The following TNS3 variants were observed in gnomAD, a reference collection of about 807,000 sequenced individuals.
TNS3 encodes tensin-3.
TNS3 carries 45 observed loss-of-function variants against 140.9 expected under a neutral mutation model. The ratio of observed to expected loss-of-function variants is 0.32; its 90% confidence interval spans 0.25 to 0.41. The LOEUF (loss-of-function observed/expected upper bound fraction) is 0.41. Among genes scored for constraint, TNS3 ranks in the 10% least tolerant of loss-of-function variants. The probability of loss-of-function intolerance (pLI) is 1.00; values close to 1 mark genes in which losing one functional copy is unlikely to be tolerated. For synonymous variants in TNS3, 815 were observed against 788.4 expected (o/e 1.03, Z -0.56); for missense variants, 1,716 against 1,906.7 (o/e 0.90, Z 1.86).
chr7:47,409,214 G>C (rs557827681), intron 13 of TNS3, among the ~76,000 whole-genome samples: 1 of 152,038 alleles, frequency 6.6e-6, no homozygotes, highest in African/African-American at 2.4e-5. Flanking sequence ...AAGGAAGGAG[G>C]AGGAGGTAGC....
At chr7:47,389,369 C>T (rs1434843142) in intron 16 of TNS3, among the ~76,000 whole-genome samples, 2 of 152,136 alleles carry the variant, frequency 1.3e-5, no homozygotes, top group Non-Finnish European at 2.9e-5. Context: ...GTTGGGAGGA[C>T]CCTGAGGACC....
At chr7:47,512,252 T>C (rs902742303) in intron 2 of TNS3, among the ~76,000 whole-genome samples, 4 of 152,016 alleles carry the variant, frequency 2.6e-5, no homozygotes, top group African/African-American at 9.7e-5. Flanking sequence ...AAAGCAAACA[T>C]CTACCATGAG....
chr7:47,404,722 T>TA (rs901798826), intron 13 of TNS3, among the ~76,000 whole-genome samples: 4 of 151,748 alleles, frequency 2.6e-5, no homozygotes, highest in African/African-American at 4.8e-5. Context: ...CCGTCTTTAC[T>TA]AAAAAAATAC....
At chr7:47,508,667 T>C (rs1450290962) in intron 2 of TNS3, among the ~76,000 whole-genome samples, 2 of 152,152 alleles carry the variant, frequency 1.3e-5, no homozygotes, top group African/African-American at 4.8e-5. Context: ...CCCATGCTGG[T>C]GTATAGCCCC....
chr7:47,445,244 C>G (rs968304711), intron 4 of TNS3, among the ~76,000 whole-genome samples: 1 of 152,178 alleles, frequency 6.6e-6, no homozygotes, highest in African/African-American at 2.4e-5. Flanking sequence ...CTGGCCACCT[C>G]CAAGGCATGT....
At chr7:47,452,053 A>C (rs1284135317) in intron 4 of TNS3, among the ~76,000 whole-genome samples, 1 of 152,236 alleles carries the variant, frequency 6.6e-6, no homozygotes, top group African/African-American at 2.4e-5. Context: ...GGATTAAATA[A>C]GGAAACATAA....
intron 17 of TNS3, among the ~76,000 whole-genome samples, chr7:47,358,500 T>C (rs886182026): frequency 6.6e-6 from 1 of 152,240 alleles, no homozygotes; most frequent in Non-Finnish European, 1.5e-5. Context: ...ATACAAAAGC[T>C]GTCCACCTTC....
chr7:47,499,215 G>T (rs1584776257), intron 3 of TNS3, among the ~76,000 whole-genome samples: 1 of 152,238 alleles, frequency 6.6e-6, no homozygotes, highest in African/African-American at 2.4e-5. Flanking sequence ...GACTCTGGGA[G>T]TCAGGAGTAA....
intron 4 of TNS3, among the ~76,000 whole-genome samples, chr7:47,475,148 G>C (rs1055863073): frequency 1.3e-5 from 2 of 152,086 alleles, no homozygotes; most frequent in African/African-American, 4.8e-5. Flanking sequence ...ACACACCACA[G>C]ACCACAGACA....
chr7:47,521,101 G>C (rs17172876), intron 2 of TNS3, among the ~76,000 whole-genome samples: 12,025 of 152,150 alleles, frequency 0.079, 550 homozygotes, highest in Middle Eastern at 0.14. Context: ...CATCATAGTA[G>C]GGGCAGTCGG....
At chr7:47,435,986 A>G (rs1437268619) in intron 7 of TNS3, among the ~76,000 whole-genome samples, 3 of 152,198 alleles carry the variant, frequency 2.0e-5, no homozygotes, top group African/African-American at 4.8e-5. Context: ...GGCACACACA[A>G]GTCCACAGTG....
At chr7:47,340,644 C>T (rs540595259) in intron 20 of TNS3, among the ~76,000 whole-genome samples, 1 of 141,132 alleles carries the variant, frequency 7.1e-6, no homozygotes, top group East Asian at 2.1e-4. Context: ...TGCAGTGGTG[C>T]AATCTCAGCT....
At chr7:47,370,098 G>A (rs746180850) in intron 16 of TNS3, among the ~76,000 whole-genome samples, 24 of 152,142 alleles carry the variant, frequency 1.6e-4, no homozygotes, top group Non-Finnish European at 3.4e-4. Flanking sequence ...ATGTCTTGGT[G>A]AAACCCGTCT....
In TNS3 at chr7:47,407,579, A is replaced by G. The variant is rs1793519439; in HGVS notation, c.723+4148T>C. 6.6e-6 allele frequency among the ~76,000 whole-genome samples: 1 copy of G among 152,346 alleles called. No individual in the cohort carries two copies. Among genetic ancestry groups the G allele is most frequent in the Admixed American group, 6.5e-5 (1 of 15,310 alleles). ...ACTTTCTAGGAGAGGTTTATTTAATAAACAGACTTGTTACAGGCTGAATGG... is the reference window on the plus strand; with the variant it reads ...ACTTTCTAGGAGAGGTTTATTTAATGAACAGACTTGTTACAGGCTGAATGG... On this transcript the variant is annotated intron_variant, in intron 13 of 30. Transcript: ENST00000311160. The surrounding 1 kb of genome is among the most constrained non-coding windows in gnomAD (Gnocchi z 4.1).
At chr7:47,383,019 C>T (rs1791863284) in intron 16 of TNS3, among the ~76,000 whole-genome samples, 2 of 151,922 alleles carry the variant, frequency 1.3e-5, no homozygotes, top group Non-Finnish European at 2.9e-5. Context: ...GAATGGGAAA[C>T]CAATTAGAAG....
At chr7:47,540,520 C>T (rs1799754473) in intron 1 of TNS3, among the ~76,000 whole-genome samples, 1 of 152,174 alleles carries the variant, frequency 6.6e-6, no homozygotes, top group African/African-American at 2.4e-5. Flanking sequence ...AGTCCATTCC[C>T]TCACACGATC....
intron 16 of TNS3, among the ~76,000 whole-genome samples, chr7:47,383,300 C>T (rs1791882101): frequency 6.6e-6 from 1 of 152,128 alleles, no homozygotes; most frequent in Admixed American, 6.5e-5. Context: ...TCACAGAAGG[C>T]CACTCATTGC....
intron 10 of TNS3, among the ~76,000 whole-genome samples, chr7:47,420,705 G>A (rs568839108): frequency 1.4e-4 from 21 of 152,218 alleles, no homozygotes; most frequent in Middle Eastern, 3.4e-3. Flanking sequence ...TCTTCTAAGC[G>A]TACTTTCCTT....
intron 3 of TNS3, among the ~76,000 whole-genome samples, chr7:47,493,304 C>G (rs980282374): frequency 6.6e-6 from 1 of 152,156 alleles, no homozygotes; most frequent in African/African-American, 2.4e-5. Context: ...TATCACACTT[C>G]GGGGCACTCG....
Sources: gnomAD v4.1 joint callset for allele counts (sites outside exome capture counted in the v4.1 genomes callset) on GRCh38, gnomAD v4.1.1 for gene constraint, Gnocchi (gnomAD v3.1) non-coding constraint, MANE v1.5 for transcripts, NCBI Gene and HGNC (gene_info 2026-07-23, HGNC 2026-07-21) for gene names.